Variants in MYO10 observed in about 807,000 individuals in gnomAD.
MYO10 encodes unconventional myosin-X.
A neutral mutation model predicts 257.3 loss-of-function variants in MYO10; 133 were observed. The observed-to-expected ratio is 0.52, with a 90% confidence interval of 0.45 to 0.60. The LOEUF is 0.60. MYO10 is among the 20% of genes least tolerant of loss of function. The probability of loss-of-function intolerance (pLI) is 0.00; values close to 1 mark genes in which losing one functional copy is unlikely to be tolerated. For synonymous variants in MYO10, 1,104 were observed against 1,028.6 expected (o/e 1.07, Z -1.40); for missense variants, 2,399 against 2,635.7 (o/e 0.91, Z 1.97).
At chr5:16,837,034 G>A (rs965582967) in intron 2 of MYO10, among the ~76,000 whole-genome samples, 1 of 152,166 alleles carries the variant, frequency 6.6e-6, no homozygotes, top group African/African-American at 2.4e-5. Context: ...TGATAGGCAG[G>A]GAGAGGTGGC....
At chr5:16,804,741 C>T (rs186002975) in intron 3 of MYO10, among the ~76,000 whole-genome samples, 4 of 151,928 alleles carry the variant, frequency 2.6e-5, no homozygotes, top group Non-Finnish European at 5.9e-5. Context: ...GTGGCGAAAC[C>T]CCATCTCTAC....
chr5:16,698,342 CAG>C (rs1399655326), intron 26 of MYO10, among the ~76,000 whole-genome samples: 2 of 152,156 alleles, frequency 1.3e-5, no homozygotes, highest in Non-Finnish European at 2.9e-5. Flanking sequence ...GCTTGGGTAA[CAG>C]AGCAAGACCC....
At chr5:16,925,022 A>G (rs867200437) in intron 1 of MYO10, among the ~76,000 whole-genome samples, 1 of 151,946 alleles carries the variant, frequency 6.6e-6, no homozygotes, top group Non-Finnish European at 1.5e-5. Context: ...TAGTAGAGAC[A>G]GGTTTTCACC....
rs60682508 is a variant in MYO10, at chr5:16,679,474, G to A, written c.4542+473C>T. On this transcript the variant is annotated intron_variant, in intron 33 of 40. Transcript: ENST00000513610. ...TCTAAAGTTTCTCATTTAGATTCCC[G>A]AAAGCAGGGTACTCAAACACAAATT... is the stretch of plus-strand genomic sequence containing the variant. Among the ~76,000 whole-genome samples, 1,482 of 151,264 alleles carry A rather than the reference G, an allele frequency of 9.8e-3. 21 individuals are homozygous for A. The highest frequency in any genetic ancestry group is 0.034 in the African/African-American group (1,399 of 41,104).
chr5:16,874,260 G>A (rs1744529626), intron 2 of MYO10, among the ~76,000 whole-genome samples: 1 of 148,260 alleles, frequency 6.7e-6, no homozygotes, highest in Admixed American at 6.9e-5. Context: ...TGTGAACCCG[G>A]GACGTAGAGC....
intron 1 of MYO10, among the ~76,000 whole-genome samples, chr5:16,906,036 G>A (rs899163344): frequency 2.0e-5 from 3 of 152,224 alleles, no homozygotes; most frequent in Admixed American, 2.0e-4. Context: ...ATGCAACAGA[G>A]ATTTCTTACA....
At chr5:16,822,690 A>AT (rs11288111) in intron 2 of MYO10, among the ~76,000 whole-genome samples, 112 of 133,532 alleles carry the variant, frequency 8.4e-4, no homozygotes, top group African/African-American at 2.6e-3. Context: ...ATTTATTTTT[A>AT]TTTTTTTTTT....
At chr5:16,899,278 A>G (rs938159496) in intron 1 of MYO10, among the ~76,000 whole-genome samples, 1 of 152,086 alleles carries the variant, frequency 6.6e-6, no homozygotes, top group Non-Finnish European at 1.5e-5. Context: ...ATCCTAATCT[A>G]CTTTACTTCA....
chr5:16,835,501 T>TTTG (rs1743286926), intron 2 of MYO10, among the ~76,000 whole-genome samples: 1 of 145,166 alleles, frequency 6.9e-6, no homozygotes, highest in Admixed American at 7.0e-5. Context: ...TGTTTTTTTT[T>TTTG]TTTTTTTTTT....
chr5:16,822,696 T>A lies in MYO10; in HGVS notation c.121-4529A>T, dbSNP rs572606276. The stretch of plus-strand genomic sequence containing the variant: ...TTCTTTTTTATTTATTTTTATTTTT[T>A]TTTTTTTTTGAGACGGAGTCTCCCT... On this transcript the variant is annotated intron_variant, in intron 2 of 40. Transcript: ENST00000513610. 1.2e-3 allele frequency among the ~76,000 whole-genome samples: 179 copies of A among 150,944 alleles called. 1 individual carries two copies. Among genetic ancestry groups the A allele is most frequent in the African/African-American group, 4.0e-3 (165 of 41,370 alleles).
chr5:16,762,169 A>C, intron 15 of MYO10, 56 bp from the exon 16 acceptor site: 1 of 1,423,956 alleles, frequency 7.0e-7, no homozygotes, highest in African/African-American at 1.5e-5. Flanking sequence ...TCACTCACTG[A>C]TTTCCTTTGA....
At chr5:16,710,877 C>T (rs369461640) in intron 21 of MYO10, 31 bp downstream of exon 21, 11 of 1,570,228 alleles carry the variant, frequency 7.0e-6, no homozygotes, top group African/African-American at 4.1e-5. Flanking sequence ...GTCAGGGATT[C>T]GGTGGGAGTT....
chr5:16,742,468 G>A (rs1291503139), intron 19 of MYO10, among the ~76,000 whole-genome samples: 1 of 152,168 alleles, frequency 6.6e-6, no homozygotes, highest in Non-Finnish European at 1.5e-5. Context: ...AAAGATGCTG[G>A]CAATGGGTGC....
chr5:16,799,787 C>T (rs577411894), intron 3 of MYO10, among the ~76,000 whole-genome samples: 40 of 152,268 alleles, frequency 2.6e-4, no homozygotes, highest in Non-Finnish European at 4.0e-4. Context: ...AACCACTGTG[C>T]CCGGCTGAGA....
At chr5:16,823,316 G>A (rs966814097) in intron 2 of MYO10, among the ~76,000 whole-genome samples, 34 of 147,734 alleles carry the variant, frequency 2.3e-4, no homozygotes, top group Non-Finnish European at 1.6e-4. Context: ...ATGGTGGCAC[G>A]TGACGGTAAT....
chr5:16,791,586 T>C (rs79099281), intron 4 of MYO10, among the ~76,000 whole-genome samples: 2,964 of 116,498 alleles, frequency 0.025, 89 homozygotes, highest in African/African-American at 0.099. Flanking sequence ...AATGATCTCA[T>C]TTGATGTTTC....
At chr5:16,745,412 A>G (rs7729861) in intron 19 of MYO10, among the ~76,000 whole-genome samples, 27,732 of 151,922 alleles carry the variant, frequency 0.18, 3,248 homozygotes, top group African/African-American at 0.29. Flanking sequence ...CAGACCAGGC[A>G]CGGTGAGTCA....
intron 2 of MYO10, among the ~76,000 whole-genome samples, chr5:16,833,070 C>A (rs1030586587): frequency 6.6e-6 from 1 of 152,192 alleles, no homozygotes; most frequent in East Asian, 1.9e-4. Flanking sequence ...TCAACCCAGA[C>A]CTCTACAACT....
intron 1 of MYO10, among the ~76,000 whole-genome samples, chr5:16,899,953 G>A (rs142097506): frequency 0.014 from 1,952 of 135,476 alleles, 39 homozygotes; most frequent in African/African-American, 0.051. Flanking sequence ...AGCAGAGATC[G>A]CAGCACTGCG....
Sources: gnomAD v4.1 joint callset for allele counts (sites outside exome capture counted in the v4.1 genomes callset) on GRCh38, gnomAD v4.1.1 for gene constraint, MANE v1.5 for transcripts, NCBI Gene and HGNC (gene_info 2026-07-23, HGNC 2026-07-21) for gene names.